Variants in FRK observed in about 807,000 individuals in gnomAD.
The protein encoded by FRK is fyn related Src family tyrosine kinase, also known as tyrosine-protein kinase FRK.
FRK carries 51 observed loss-of-function variants against 56.4 expected under a neutral mutation model. The ratio of observed to expected loss-of-function variants is 0.90; its 90% CI spans 0.72 to 1.14. FRK has a LOEUF of 1.14. Ranked by LOEUF, FRK falls within the 50% of genes most tolerant of loss-of-function variation. The pLI is 0.00. For synonymous variants in FRK, 245 were observed against 217.9 expected, an observed-to-expected ratio of 1.12 and a Z score of -1.10; for missense variants, 570 against 601.4, an observed-to-expected ratio of 0.95 and a Z score of 0.55.
chr6:116,070,487 T>C, the FRK span, among the ~76,000 whole-genome samples: 23 of 152,196 alleles, frequency 1.5e-4, no homozygotes, highest in Non-Finnish European at 2.9e-4. Context: ...TTTGCGTCCT[T>C]TGAATTATGA....
Position 115,937,157 on chromosome 6 carries a change from G to A in FRK, c.*5257C>T, listed in dbSNP as rs1225765120. On this transcript the variant is annotated 3_prime_UTR_variant, in exon 8 of 8. Transcript: ENST00000606080. ...CAGACACCTTACAAGCCAGAATAGA[G>A]TAGGGGCCAATATTCAACATTCTTA... 1 of 152,158 alleles carries A rather than the reference G, an allele frequency of 6.6e-6. No individual in the cohort carries two copies. The highest frequency in any genetic ancestry group is 6.5e-5 in the Admixed American group (1 of 15,272). 9.4% of individuals were successfully genotyped at this position (152,158 alleles called of 1,614,324 possible).
chr6:115,995,672 G>C (rs763618897), intron 2 of FRK, among the ~76,000 whole-genome samples: 1 of 152,096 alleles, frequency 6.6e-6, no homozygotes, highest in Non-Finnish European at 1.5e-5. Context: ...TTTTCAGTAA[G>C]ATAAAAGATT....
chr6:116,059,281 C>T (rs1221799334), intron 1 of FRK, among the ~76,000 whole-genome samples: 2 of 152,112 alleles, frequency 1.3e-5, no homozygotes, highest in South Asian at 2.1e-4. Context: ...TTTATCTCCT[C>T]TTCAAGGAGA....
At chr6:116,071,598 T>C in the FRK span, among the ~76,000 whole-genome samples, 1 of 152,100 alleles carries the variant, frequency 6.6e-6, no homozygotes, top group South Asian at 2.1e-4. Flanking sequence ...GTCAGTGCTT[T>C]AAAAAAAGAT....
chr6:116,057,709 C>A (rs1450077891), intron 1 of FRK, among the ~76,000 whole-genome samples: 1 of 152,008 alleles, frequency 6.6e-6, no homozygotes, highest in Non-Finnish European at 1.5e-5. Context: ...CTGCTGAGAA[C>A]CAATTCCAAG....
Position 116,009,122 on chromosome 6 carries a change from G to A in FRK, c.345-5124C>T, listed in dbSNP as rs55841056. On this transcript the variant is annotated intron_variant, in intron 1 of 7. Transcript: ENST00000606080. ...ACAGCCGGACTGGTTACAGCTTGATGTTTGCCTTATTTTGAACAAGGTTTG... is the reference window on the plus strand; with the variant it reads ...ACAGCCGGACTGGTTACAGCTTGATATTTGCCTTATTTTGAACAAGGTTTG... Among the ~76,000 whole-genome samples the A allele has an allele frequency of 4.2e-3, 646 of 152,248 alleles. 7 individuals are homozygous for A. Among genetic ancestry groups the A allele is most frequent in the African/African-American group, 0.015 (627 of 41,526 alleles).
At chr6:116,097,612 T>G in the FRK span, among the ~76,000 whole-genome samples, 10 of 152,218 alleles carry the variant, frequency 6.6e-5, no homozygotes, top group African/African-American at 2.2e-4. Flanking sequence ...AATTGCTAAA[T>G]TATAGTACCA....
At chr6:116,074,642 C>G in the FRK span, among the ~76,000 whole-genome samples, 21 of 152,202 alleles carry the variant, frequency 1.4e-4, no homozygotes, top group Admixed American at 1.2e-3. Context: ...ATATCAAAGC[C>G]TATACCAAAA....
chr6:116,037,328 G>A (rs1047178700), intron 1 of FRK, among the ~76,000 whole-genome samples: 2 of 152,048 alleles, frequency 1.3e-5, no homozygotes, highest in Admixed American at 6.6e-5. Context: ...TTTACATTAA[G>A]AAAGATAAAC....
chr6:116,097,145 T>TA, the FRK span, among the ~76,000 whole-genome samples: 1 of 151,732 alleles, frequency 6.6e-6, no homozygotes, highest in African/African-American at 2.4e-5. Context: ...TAAAAAAAAA[T>TA]AAAAAATATT....
intron 2 of FRK, 143 bp downstream of exon 2, chr6:116,003,732 CTT>C (rs1483712873): frequency 2.2e-5 from 17 of 787,910 alleles, no homozygotes; most frequent in Non-Finnish European, 1.4e-5. Context: ...TTATATTACT[CTT>C]AAGTAGTTTA....
intron 1 of FRK, among the ~76,000 whole-genome samples, chr6:116,032,027 C>G (rs2114764366): frequency 6.6e-6 from 1 of 152,140 alleles, no homozygotes; most frequent in South Asian, 2.1e-4. Flanking sequence ...CAAGAGGAAG[C>G]TGTAGAAAAA....
intron 2 of FRK, among the ~76,000 whole-genome samples, chr6:115,976,877 T>C (rs1256060840): frequency 6.6e-6 from 1 of 152,126 alleles, no homozygotes. Flanking sequence ...TATTGTCAAA[T>C]AGCATTGTCA....
intron 2 of FRK, among the ~76,000 whole-genome samples, chr6:115,998,479 A>C (rs111878443): frequency 1.3e-5 from 2 of 152,088 alleles, no homozygotes; most frequent in Admixed American, 1.3e-4. Flanking sequence ...ACACACCTGC[A>C]CTATCCTCCA....
the FRK span, among the ~76,000 whole-genome samples, chr6:116,066,850 TA>T: frequency 6.0e-4 from 91 of 152,206 alleles, 1 homozygote; most frequent in Non-Finnish European, 1.2e-3. Context: ...AATGTATCAT[TA>T]AAAAGGTTAC....
At chr6:116,070,747 T>C in the FRK span, among the ~76,000 whole-genome samples, 10 of 152,198 alleles carry the variant, frequency 6.6e-5, no homozygotes, top group Non-Finnish European at 1.5e-4. Flanking sequence ...TTCTTACTTA[T>C]ATATACATGG....
intron 2 of FRK, among the ~76,000 whole-genome samples, chr6:116,001,938 A>G (rs1368766478): frequency 2.6e-5 from 4 of 152,190 alleles, no homozygotes; most frequent in Non-Finnish European, 5.9e-5. Flanking sequence ...TCAGAACAGA[A>G]TTTTTCAAAA....
At chr6:116,013,288 A>G (rs1388232492) in intron 1 of FRK, among the ~76,000 whole-genome samples, 1 of 152,218 alleles carries the variant, frequency 6.6e-6, no homozygotes, top group Non-Finnish European at 1.5e-5. Context: ...AACAAAGTTC[A>G]TATAAATATT....
At chr6:116,007,304 C>T (rs558867677) in intron 1 of FRK, among the ~76,000 whole-genome samples, 126 of 152,336 alleles carry the variant, frequency 8.3e-4, no homozygotes, top group African/African-American at 2.8e-3. Flanking sequence ...CTCATGCTTG[C>T]TCTCCAGTCT....
Sources: gnomAD v4.1 joint callset for allele counts (sites outside exome capture counted in the v4.1 genomes callset) on GRCh38, gnomAD v4.1.1 for gene constraint, MANE v1.5 for transcripts, NCBI Gene and HGNC (gene_info 2026-07-23, HGNC 2026-07-21) for gene names.